The following KREMEN1 variants were observed in gnomAD, a reference collection of about 807,000 sequenced individuals.
KREMEN1 encodes kremen protein 1.
In KREMEN1, 30 loss-of-function variants were observed where a neutral mutation model predicts 46.5. The observed-to-expected ratio is 0.65, with a 90% CI of 0.48 to 0.88. The LOEUF is 0.88. Among genes scored for constraint, KREMEN1 ranks in the 40% least tolerant of loss-of-function variants. The pLI is 0.00. For synonymous variants in KREMEN1, 214 were observed against 230.6 expected, an observed-to-expected ratio of 0.93 and a Z score of 0.65; for missense variants, 533 against 596.9, an observed-to-expected ratio of 0.89 and a Z score of 1.11.
chr22:29,130,000 G>A (rs1348439685), intron 5 of KREMEN1, among the ~76,000 whole-genome samples: 2 of 152,264 alleles, frequency 1.3e-5, no homozygotes, highest in Non-Finnish European at 2.9e-5. Context: ...AGGCTAGCCT[G>A]TTGGGACTCC....
At chr22:29,115,939 G>A (rs998906376) in intron 3 of KREMEN1, among the ~76,000 whole-genome samples, 1 of 152,200 alleles carries the variant, frequency 6.6e-6, no homozygotes, top group Non-Finnish European at 1.5e-5. Flanking sequence ...ATGGTGGTGG[G>A]AGAGGGGAAG....
At position 29,131,610 on chromosome 22, in the gene KREMEN1, GTGTATA is replaced by G. The variant is rs1400717129; in HGVS notation, c.632-5730_632-5725del. Among the ~76,000 whole-genome samples, 84 of 133,286 alleles carry G rather than the reference GTGTATA, an allele frequency of 6.3e-4. No individual in the cohort carries two copies. The South Asian group carries it at 0.012, about 19-fold the overall frequency. The allele number at this position is 133,286 out of a possible 152,430, so 87.4% of individuals were successfully genotyped here. On this transcript the variant is annotated intron_variant, in intron 5 of 8. Coordinates refer to ENST00000400335, the MANE Select transcript of KREMEN1 (RefSeq NM_001039570.3). ...TGTGTGTGTGTATATGTATATATGT[GTGTATA>G]TATATGTATATATGTATATATATGT...
At chr22:29,123,771 C>T (rs938073929) in intron 4 of KREMEN1, among the ~76,000 whole-genome samples, 8 of 152,136 alleles carry the variant, frequency 5.3e-5, no homozygotes, top group African/African-American at 1.7e-4. Flanking sequence ...ACCTGGATGA[C>T]AGAGTGAGAC....
downstream of KREMEN1, among the ~76,000 whole-genome samples, chr22:29,150,567 A>C (rs947405308): frequency 6.6e-6 from 1 of 152,162 alleles, no homozygotes; most frequent in Non-Finnish European, 1.5e-5. Context: ...AACTTTTAAA[A>C]ACTTCACTGA....
In KREMEN1 at chr22:29,144,925, G is replaced by T. The variant is rs893726912; in HGVS notation, c.*2813G>T. On this transcript the variant is annotated 3_prime_UTR_variant, in exon 9 of 9. Transcript: ENST00000400335. Reference sequence around the variant, plus strand: ...GGGATGCCCCAGCGCTTCTCTTCCTGCCTCGCCCTGGCATGGCCCAGCGCC... The same window carrying T: ...GGGATGCCCCAGCGCTTCTCTTCCTTCCTCGCCCTGGCATGGCCCAGCGCC... 32 of 985,414 alleles carry T rather than the reference G, an allele frequency of 3.2e-5. No individual in the cohort carries two copies. The highest frequency in any genetic ancestry group is 3.4e-5 in the Non-Finnish European group (28 of 830,010). 61.0% of individuals were successfully genotyped at this position (985,414 alleles called of 1,614,324 possible).
At chr22:29,102,540 G>T (rs1321710510) in intron 3 of KREMEN1, among the ~76,000 whole-genome samples, 1 of 152,038 alleles carries the variant, frequency 6.6e-6, no homozygotes, top group East Asian at 1.9e-4. Context: ...GTAAAGAGGG[G>T]GTTTCAATCT....
intron 3 of KREMEN1, 98 bp downstream of exon 3, chr22:29,099,051 G>T (rs1362856790): frequency 4.8e-6 from 4 of 840,268 alleles, no homozygotes; most frequent in Non-Finnish European, 8.0e-6. Context: ...TTAGGCTGGT[G>T]GATTTCATGG....
Position 29,146,691 on chromosome 22 carries a change from A to C in KREMEN1, c.*4579A>C. On this transcript the variant is annotated 3_prime_UTR_variant, in exon 9 of 9. Coordinates refer to ENST00000400335, the MANE Select transcript of KREMEN1 (RefSeq NM_001039570.3). ...TATAAGATGAAGTGTGACGCACTGTATACAATTTAATATATATTTTTAGGG... is the reference window on the plus strand; with the variant it reads ...TATAAGATGAAGTGTGACGCACTGTCTACAATTTAATATATATTTTTAGGG... 1.1e-6 allele frequency: 1 copy of C among 918,222 alleles called. No individual in the cohort carries two copies. Among genetic ancestry groups the C allele is most frequent in the Non-Finnish European group, 1.3e-6 (1 of 768,398 alleles). 56.9% of individuals were successfully genotyped at this position (918,222 alleles called of 1,614,324 possible). A position where few individuals can be genotyped will look rare whatever the true frequency, so the allele number is the denominator to read the frequency against.
chr22:29,150,040 C>G (rs151072737), downstream of KREMEN1, among the ~76,000 whole-genome samples: 1 of 152,104 alleles, frequency 6.6e-6, no homozygotes, highest in South Asian at 2.1e-4. Context: ...TCCTCTGTGG[C>G]GAGGTCGGGT....
At chr22:29,120,055 CAG>C (rs372331545) in intron 3 of KREMEN1, among the ~76,000 whole-genome samples, 1 of 111,390 alleles carries the variant, frequency 9.0e-6, no homozygotes, top group Non-Finnish European at 1.8e-5. Context: ...ATGATGGAAA[CAG>C]GGAGGAGGGA....
In KREMEN1 at chr22:29,140,324, T is replaced by TCACAGC; in HGVS notation, c.1169_1174dup (p.Thr390_Ala391dup). ...CTGGCAACTCTCCTCATCCTCACAG[T>TCACAGC]CACAGCCATTGTAGCAAAGATACTT... On this transcript the variant is annotated inframe_insertion, in exon 8 of 9. Coordinates refer to ENST00000400335, the MANE Select transcript of KREMEN1 (RefSeq NM_001039570.3). 6.2e-7 allele frequency: 1 copy of TCACAGC among 1,614,180 alleles called. No individual in the cohort carries two copies. Among genetic ancestry groups the TCACAGC allele is most frequent in the Non-Finnish European group, 8.5e-7 (1 of 1,179,998 alleles).
chr22:29,162,049 G>A (rs2039016170), intron 9 of KREMEN1, among the ~76,000 whole-genome samples: 2 of 151,784 alleles, frequency 1.3e-5, no homozygotes, highest in African/African-American at 4.8e-5. Flanking sequence ...ACCTGGAGGT[G>A]GAGGTTGCAG....
chr22:29,105,244 C>T (rs1404405938), intron 3 of KREMEN1, among the ~76,000 whole-genome samples: 2 of 152,100 alleles, frequency 1.3e-5, no homozygotes, highest in Non-Finnish European at 2.9e-5. Flanking sequence ...CTTTAAAGTA[C>T]ATCCAGTCAC....
At chr22:29,148,181 T>C (rs1283630949), downstream of KREMEN1, among the ~76,000 whole-genome samples, 1 of 152,142 alleles carries the variant, frequency 6.6e-6, no homozygotes, top group Non-Finnish European at 1.5e-5. Flanking sequence ...GCAGTCGCTG[T>C]GGGACACTGA....
At position 29,142,010 on chromosome 22, in the gene KREMEN1, C is replaced by A. The variant is rs1468150898; in HGVS notation, c.1275C>A (p.Ile425=). The part of the protein sequence containing the change: ...DCHQPGTSGE[I]WSIFYKPSTS... ...ATCAACCAGGGACTTCGGGGGAAAT[C>A]TGGAGCATTTTTTACAAGCCTTCCA... The change falls in exon 9 of 9, where the codon ATC becomes ATA. Residue 425 remains isoleucine, a synonymous_variant. Coordinates refer to ENST00000400335, the MANE Select transcript of KREMEN1 (RefSeq NM_001039570.3). 1 of 1,613,560 alleles carries A rather than the reference C, an allele frequency of 6.2e-7. No homozygotes were observed. The highest frequency in any genetic ancestry group is 1.1e-5 in the South Asian group (1 of 90,938).
At chr22:29,131,630 G>GTA (rs1246683996) in intron 5 of KREMEN1, among the ~76,000 whole-genome samples, 4 of 124,188 alleles carry the variant, frequency 3.2e-5, no homozygotes, top group Non-Finnish European at 4.8e-5. Context: ...ATGTATATAT[G>GTA]TATATATATG....
intron 3 of KREMEN1, chr22:29,111,729 A>G (rs1255862793): frequency 6.7e-6 from 1 of 149,428 alleles, no homozygotes; most frequent in African/African-American, 2.5e-5. Flanking sequence ...AGAGTTTTTT[A>G]GTTTTTTAAG....
At chr22:29,134,771 G>A (rs905908511) in intron 5 of KREMEN1, among the ~76,000 whole-genome samples, 4 of 152,074 alleles carry the variant, frequency 2.6e-5, no homozygotes, top group African/African-American at 7.2e-5. Context: ...CTCCAGTGAC[G>A]GGCTGCTATC....
At position 29,145,893 on chromosome 22, in the gene KREMEN1, C is replaced by T. The variant is rs1044372275; in HGVS notation, c.*3781C>T. 1.1e-5 allele frequency: 11 copies of T among 985,658 alleles called. No individual in the cohort carries two copies. Among genetic ancestry groups the T allele is most frequent in the South Asian group, 4.7e-5 (1 of 21,284 alleles). The allele number at this position is 985,658 out of a possible 1,614,324, so 61.1% of individuals were successfully genotyped here. The stretch of plus-strand genomic sequence containing the variant: ...TAGAACCCACGGGCGTGCCTGGGTG[C>T]GGCTCCACCCACATGCCCCACTGTC... On this transcript the variant is annotated 3_prime_UTR_variant, in exon 9 of 9. Transcript: ENST00000400335.
Sources: gnomAD v4.1 joint callset for allele counts (sites outside exome capture counted in the v4.1 genomes callset) on GRCh38, gnomAD v4.1.1 for gene constraint, MANE v1.5 for transcripts, NCBI Gene and HGNC (gene_info 2026-07-23, HGNC 2026-07-21) for gene names.